The following CYP4V2 variants were observed in gnomAD, a reference collection of about 807,000 sequenced individuals.
The protein encoded by CYP4V2 is cytochrome P450 4V2.
A neutral mutation model predicts 60.8 loss-of-function variants in CYP4V2; 55 were observed. The ratio of observed to expected loss-of-function variants is 0.90; its 90% CI spans 0.73 to 1.13. The LOEUF is 1.13. Ranked by LOEUF, CYP4V2 falls within the 50% of genes most tolerant of loss-of-function variation. The probability of loss-of-function intolerance (pLI) is 0.00; values close to 1 mark genes in which losing one functional copy is unlikely to be tolerated. For synonymous variants in CYP4V2, 239 were observed against 236.8 expected (o/e 1.01, Z -0.08); for missense variants, 675 against 662.9 (o/e 1.02, Z -0.20).
chr4:186,204,949 C>A (rs1428723037), intron 7 of CYP4V2: 3 of 535,142 alleles, frequency 5.6e-6, no homozygotes, highest in South Asian at 4.0e-5. Context: ...TTTATTAACA[C>A]AGCACAGGCA....
At chr4:186,208,054 C>T (rs906170570) in intron 8 of CYP4V2, among the ~76,000 whole-genome samples, 1 of 151,636 alleles carries the variant, frequency 6.6e-6, no homozygotes, top group African/African-American at 2.4e-5. Context: ...CCTTGATCCA[C>T]GTGTTCTTCT....
At position 186,197,256 on chromosome 4, in the gene CYP4V2, C is replaced by T. The variant is rs966684558; in HGVS notation, c.604+126C>T. The T allele has an allele frequency of 6.6e-6, 8 of 1,204,614 alleles. No homozygotes were observed. The African/African-American group carries it at 1.2e-4, about 18-fold the overall frequency. The allele number at this position is 1,204,614 out of a possible 1,614,324, so 74.6% of individuals were successfully genotyped here. Reference sequence around the variant, plus strand: ...GGGTGACGGGCTCTTCAGCGCGGTTCTACGACCGCACTGGCCTTCTGAGGA... The same window carrying T: ...GGGTGACGGGCTCTTCAGCGCGGTTTTACGACCGCACTGGCCTTCTGAGGA... On this transcript the variant is annotated intron_variant, in intron 4 of 10. Coordinates refer to ENST00000378802, the MANE Select transcript of CYP4V2 (RefSeq NM_207352.4).
chr4:186,204,982 G>A (rs1579972318), intron 7 of CYP4V2: 3 of 608,512 alleles, frequency 4.9e-6, no homozygotes, highest in East Asian at 2.9e-5. Flanking sequence ...GTGCAACACC[G>A]TGCGGCGTGG....
At chr4:186,201,071 A>C in intron 6 of CYP4V2, 86 bp from the exon 7 acceptor site, 1 of 1,329,848 alleles carries the variant, frequency 7.5e-7, no homozygotes. Flanking sequence ...AAATGAAAGA[A>C]ACTAGCATAT....
intron 5 of CYP4V2, among the ~76,000 whole-genome samples, chr4:186,197,837 T>C (rs1230507266): frequency 6.6e-6 from 1 of 152,244 alleles, no homozygotes; most frequent in Non-Finnish European, 1.5e-5. Context: ...TTACATTATA[T>C]TGTACATAAT....
At position 186,210,601 on chromosome 4, in the gene CYP4V2, T is replaced by C; in HGVS notation, c.1538T>C (p.Ile513Thr). Residue 513 changes from isoleucine to threonine, a missense_variant, in exon 11 of 11, where the codon ATC becomes ACC. Physicochemically the swap from Ile to Thr is moderately conservative, Grantham distance 89. Coordinates refer to ENST00000378802, the MANE Select transcript of CYP4V2 (RefSeq NM_207352.4). ...TTGATTCTTCGTCCAAGTAATGGCA[T>C]CTGGATCAAGTTGAAGAGGAGAAAT... is the stretch of plus-strand genomic sequence containing the variant. Reference protein sequence around the residue: ...GQLILRPSNGIWIKLKRRNAD... With the variant: ...GQLILRPSNGTWIKLKRRNAD... 2 of 1,614,168 alleles carry C rather than the reference T, an allele frequency of 1.2e-6. No individual in the cohort carries two copies. The highest frequency in any genetic ancestry group is 1.7e-6 in the Non-Finnish European group (2 of 1,180,024).
At chr4:186,203,450 G>T (rs979253629) in intron 7 of CYP4V2, 1 of 152,642 alleles carries the variant, frequency 6.6e-6, no homozygotes, top group African/African-American at 2.4e-5. Context: ...TGATACTGTG[G>T]CCTCCTCCAC....
rs1257972779 is a variant in CYP4V2, at chr4:186,210,656, T to C, written c.*15T>C. Reference sequence around the variant, plus strand: ...ATGAACGCTAACTATATTATTGGGTTGTGCCTTTATCATGAGAAAGGTCTT... The same window carrying C: ...ATGAACGCTAACTATATTATTGGGTCGTGCCTTTATCATGAGAAAGGTCTT... On this transcript the variant is annotated 3_prime_UTR_variant, in exon 11 of 11. Transcript: ENST00000378802. The C allele has an allele frequency of 6.2e-7, 1 of 1,613,888 alleles. No homozygotes were observed. Among genetic ancestry groups the C allele is most frequent in the Non-Finnish European group, 8.5e-7 (1 of 1,179,990 alleles).
chr4:186,207,539 A>G (rs1237622695), intron 8 of CYP4V2, among the ~76,000 whole-genome samples: 1 of 147,412 alleles, frequency 6.8e-6, no homozygotes, highest in East Asian at 1.9e-4. Flanking sequence ...AAAATTATAT[A>G]ATATATAAAA....
At chr4:186,208,231 C>A (rs1194165104) in intron 8 of CYP4V2, among the ~76,000 whole-genome samples, 1 of 151,214 alleles carries the variant, frequency 6.6e-6, no homozygotes, top group African/African-American at 2.4e-5. Flanking sequence ...ACATGTTCTT[C>A]TTTGAAGGGT....
chr4:186,191,666 G>C lies in CYP4V2; in HGVS notation c.-158G>C. Reference sequence around the variant, plus strand: ...TGGCGCCCTCTCTGGCCGCCGCCCGGGCGGGAAACGTCGTTCCGGGGACCG... The same window carrying C: ...TGGCGCCCTCTCTGGCCGCCGCCCGCGCGGGAAACGTCGTTCCGGGGACCG... On this transcript the variant is annotated 5_prime_UTR_variant, in exon 1 of 11. Transcript: ENST00000378802. 1.6e-5 allele frequency: 10 copies of C among 626,770 alleles called. No homozygotes were observed. In the Admixed American group the frequency reaches 3.2e-4, roughly 20 times the overall value. 38.8% of individuals were successfully genotyped at this position (626,770 alleles called of 1,614,324 possible).
chr4:186,208,828 G>T (rs746591988), intron 8 of CYP4V2, 37 bp from the exon 9 acceptor site: 8 of 1,614,128 alleles, frequency 5.0e-6, no homozygotes, highest in East Asian at 2.2e-5. Flanking sequence ...AGCCCCCACT[G>T]CTCTTTCAGG....
chr4:186,195,450 G>A lies in CYP4V2; in HGVS notation c.328-553G>A, dbSNP rs1398769579. ...AAGCCTGGTGGGCACCCTGTGCTCA[G>A]CCCTAGACCCCATCCCTCCTCCCAC... is the stretch of plus-strand genomic sequence containing the variant. On this transcript the variant is annotated intron_variant, in intron 2 of 10. Transcript: ENST00000378802. The surrounding 1 kb of genome is among the most constrained non-coding windows in gnomAD (Gnocchi z 4.1). Among the ~76,000 whole-genome samples, 1 of 152,158 alleles carries A rather than the reference G, an allele frequency of 6.6e-6. No individual in the cohort carries two copies. Among genetic ancestry groups the A allele is most frequent in the African/African-American group, 2.4e-5 (1 of 41,430 alleles).
In CYP4V2 at chr4:186,195,237, T is replaced by C. The variant is rs1452633174; in HGVS notation, c.327+625T>C. On this transcript the variant is annotated intron_variant, in intron 2 of 10. Coordinates refer to ENST00000378802, the MANE Select transcript of CYP4V2 (RefSeq NM_207352.4). The surrounding 1 kb of genome is among the most constrained non-coding windows in gnomAD (Gnocchi z 4.1). The stretch of plus-strand genomic sequence containing the variant: ...ATTAAAGACTGAATTTCCTAGGAAG[T>C]AGTGCCAGGACATGTCTTTCTAATT... Among the ~76,000 whole-genome samples the C allele has an allele frequency of 6.6e-6, 1 of 152,226 alleles. No homozygotes were observed. The highest frequency in any genetic ancestry group is 1.5e-5 in the Non-Finnish European group (1 of 68,036).
chr4:186,202,866 ATACCCACATG>A (rs1433929371), intron 7 of CYP4V2: 29 of 149,670 alleles, frequency 1.9e-4, no homozygotes, highest in African/African-American at 7.0e-4. Flanking sequence ...ATGCACACAT[ATACCCACATG>A]CACACATGCA....
Position 186,191,867 on chromosome 4 carries a change from T to C in CYP4V2, c.44T>C (p.Leu15Pro), listed in dbSNP as rs200010109. The C allele has an allele frequency of 4.6e-4, 722 of 1,586,806 alleles. No individual in the cohort carries two copies. Among genetic ancestry groups the C allele is most frequent in the Non-Finnish European group, 5.8e-4 (682 of 1,171,650 alleles). Residue 15 changes from leucine to proline, a missense_variant, in exon 1 of 11, where the codon CTG becomes CCG. By Grantham distance (98) the Leu-to-Pro change is moderately conservative. Transcript: ENST00000378802. ...WLGLVWQKLLLWGAASALSLA... is the reference protein window; with the variant it reads ...WLGLVWQKLLPWGAASALSLA... ...GGGCTCGTGTGGCAGAAGCTGCTGC[T>C]GTGGGGCGCGGCGAGTGCCCTTTCC...
intron 1 of CYP4V2, chr4:186,192,378 G>C (rs1736017435): frequency 2.0e-6 from 1 of 505,322 alleles, no homozygotes; most frequent in South Asian, 1.8e-5. Flanking sequence ...AGCTCCCTGG[G>C]AGCACAGAGC....
intron 1 of CYP4V2, among the ~76,000 whole-genome samples, chr4:186,193,993 C>G (rs1307734711): frequency 2.6e-5 from 4 of 152,204 alleles, no homozygotes; most frequent in Non-Finnish European, 4.4e-5. Flanking sequence ...CTCCCTGTCC[C>G]CTCTGTCAGA....
chr4:186,201,349 T>C lies in CYP4V2; in HGVS notation c.987+7T>C, dbSNP rs1736302352. ...TGACACCTTCATGTTTGAGGTATTG[T>C]ATATTGTTAGGTTCAGATATCATTA... On this transcript the variant is annotated splice_region_variant and intron_variant, in intron 7 of 10. Coordinates refer to ENST00000378802, the MANE Select transcript of CYP4V2 (RefSeq NM_207352.4). 11 of 1,614,064 alleles carry C rather than the reference T, an allele frequency of 6.8e-6. No individual in the cohort carries two copies. The highest frequency in any genetic ancestry group is 7.6e-6 in the Non-Finnish European group (9 of 1,179,932).
Sources: allele counts gnomAD v4.1 joint callset (sites outside exome capture counted in the v4.1 genomes callset), GRCh38; gene constraint gnomAD v4.1.1; non-coding constraint Gnocchi (gnomAD v3.1); transcripts MANE v1.5; gene names NCBI Gene and HGNC (gene_info 2026-07-23, HGNC 2026-07-21).